The following HMCN1 variants were observed in gnomAD, a reference collection of about 807,000 sequenced individuals.
The protein encoded by HMCN1 is hemicentin 1.
In HMCN1, 321 loss-of-function variants were observed where a neutral mutation model predicts 625.9. The observed-to-expected ratio is 0.51, with a 90% CI of 0.47 to 0.56. The LOEUF (loss-of-function observed/expected upper bound fraction) is 0.56. Ranked by LOEUF, HMCN1 falls within the 20% of genes least tolerant of loss-of-function variation. The probability of loss-of-function intolerance (pLI) is 0.00; values close to 1 mark genes in which losing one functional copy is unlikely to be tolerated. For synonymous variants in HMCN1, 2,425 were observed against 2,417.6 expected, an observed-to-expected ratio of 1.00 and a Z score of -0.09; for missense variants, 6,588 against 6,887.3, an observed-to-expected ratio of 0.96 and a Z score of 1.54.
chr1:186,111,583 TTAGAG>T (rs938761491), intron 71 of HMCN1, among the ~76,000 whole-genome samples: 27 of 152,058 alleles, frequency 1.8e-4, no homozygotes, highest in Non-Finnish European at 3.4e-4. Context: ...GATTTTGAGA[TTAGAG>T]TAAACTACGA....
chr1:185,792,357 G>A (rs550047735), intron 1 of HMCN1, among the ~76,000 whole-genome samples: 8 of 152,284 alleles, frequency 5.3e-5, no homozygotes, highest in African/African-American at 1.9e-4. Context: ...AAAGAAAACT[G>A]TTCAAAGCAT....
chr1:186,034,598 A>T (rs893581514), intron 36 of HMCN1, among the ~76,000 whole-genome samples: 1 of 151,974 alleles, frequency 6.6e-6, no homozygotes, highest in South Asian at 2.1e-4. Flanking sequence ...CTCGAAACCT[A>T]TTGTTCTTCC....
At chr1:186,056,697 G>A (rs72718900) in intron 45 of HMCN1, among the ~76,000 whole-genome samples, 2,061 of 151,892 alleles carry the variant, frequency 0.014, 18 homozygotes, top group Middle Eastern at 0.037. Flanking sequence ...TAAACATTGG[G>A]TACTCAAAGA....
chr1:186,017,339 A>T (rs1654429809), intron 33 of HMCN1, among the ~76,000 whole-genome samples: 1 of 152,084 alleles, frequency 6.6e-6, no homozygotes, highest in Non-Finnish European at 1.5e-5. Flanking sequence ...TAGAAATTAC[A>T]TATTTAATTC....
chr1:186,003,789 G>C lies in HMCN1; in HGVS notation c.4420G>C (p.Glu1474Gln), dbSNP rs1558134364. The C allele has an allele frequency of 1.2e-6, 2 of 1,613,268 alleles. No individual in the cohort carries two copies. The highest frequency in any genetic ancestry group is 1.3e-5 in the African/African-American group (1 of 74,966). The change falls in exon 29 of 107, where the codon GAA (glutamate) becomes CAA (glutamine). Residue 1474 changes from glutamate (E) to glutamine (Q), a missense_variant. Glu to Gln is a conservative substitution (Grantham distance 29, BLOSUM62 2). Coordinates refer to ENST00000271588, the MANE Select transcript of HMCN1 (RefSeq NM_031935.3). ...SVVLNRDVALECQVKGTPFPD... is the reference protein window; with the variant it reads ...SVVLNRDVALQCQVKGTPFPD... ...TGTCCTCAACCGTGACGTCGCCCTT[G>C]AATGCCAGGTCAAAGGCACTCCCTT...
At position 186,144,513 on chromosome 1, in the gene HMCN1, AC is replaced by A; in HGVS notation, c.14096-18del. On this transcript the variant is annotated intron_variant, in intron 90 of 106. Coordinates refer to ENST00000271588, the MANE Select transcript of HMCN1 (RefSeq NM_031935.3). ...GTTCCTAGGTAGTAAGAAAGCATGT[AC>A]CTTTTTCCCTTATTCCAGTTCATGG... 1.2e-6 allele frequency: 2 copies of A among 1,614,080 alleles called. No individual in the cohort carries two copies. Among genetic ancestry groups the A allele is most frequent in the Non-Finnish European group, 1.7e-6 (2 of 1,179,984 alleles).
intron 1 of HMCN1, among the ~76,000 whole-genome samples, chr1:185,757,119 C>T (rs1042099079): frequency 4.6e-5 from 7 of 152,198 alleles, no homozygotes; most frequent in African/African-American, 1.4e-4. Flanking sequence ...GGATTACAGG[C>T]GCCTGCCACC....
intron 85 of HMCN1, among the ~76,000 whole-genome samples, chr1:186,130,957 C>T (rs1661903980): frequency 6.6e-6 from 1 of 152,142 alleles, no homozygotes; most frequent in African/African-American, 2.4e-5. Flanking sequence ...TTCCTCAGAT[C>T]TGTTTTAGGA....
chr1:186,070,492 G>T, intron 51 of HMCN1, 120 bp from the exon 52 acceptor site: 1 of 841,126 alleles, frequency 1.2e-6, no homozygotes, highest in South Asian at 1.5e-5. Context: ...TGAAAGGTCA[G>T]CATAGAATGC....
chr1:185,942,919 CT>C (rs902027199), intron 11 of HMCN1, among the ~76,000 whole-genome samples: 170 of 146,532 alleles, frequency 1.2e-3, no homozygotes, highest in African/African-American at 3.4e-3. Context: ...ATTTTATTTA[CT>C]TTTTTTTTTT....
chr1:185,866,892 A>C (rs952080918), intron 4 of HMCN1, among the ~76,000 whole-genome samples: 1 of 151,590 alleles, frequency 6.6e-6, no homozygotes, highest in Non-Finnish European at 1.5e-5. Context: ...TCTGGGGTAC[A>C]TGTGCAGGAT....
rs1041628064 is a variant in HMCN1 at position 185,990,345 on chromosome 1, A to T, written c.3279A>T (p.Ala1093=). Reference sequence around the variant, plus strand: ...AGCCTGTTGAGATCTCCGTCCTTGCAGGGGAAGAGGTAACACTTCCATGTG... The same window carrying T: ...AGCCTGTTGAGATCTCCGTCCTTGCTGGGGAAGAGGTAACACTTCCATGTG... ...QDKPVEISVL[A]GEEVTLPCEV... Residue 1093 remains alanine (A), a synonymous_variant, in exon 22 of 107, where the codon GCA becomes GCT. Transcript: ENST00000271588. The T allele has an allele frequency of 6.2e-7, 1 of 1,613,418 alleles. No homozygotes were observed. Among genetic ancestry groups the T allele is most frequent in the Admixed American group, 1.7e-5 (1 of 60,004 alleles).
chr1:185,843,853 A>G (rs1227879993), intron 1 of HMCN1, among the ~76,000 whole-genome samples: 1 of 152,138 alleles, frequency 6.6e-6, no homozygotes, highest in African/African-American at 2.4e-5. Context: ...TGTATATTTG[A>G]GAGTGTCTGG....
chr1:185,743,916 A>AACACTTAT (rs1654169246), intron 1 of HMCN1, among the ~76,000 whole-genome samples: 1 of 152,130 alleles, frequency 6.6e-6, no homozygotes, highest in Admixed American at 6.5e-5. Context: ...AAAATAGTAC[A>AACACTTAT]ACACTTATAC....
chr1:185,887,390 C>G (rs539491124), intron 4 of HMCN1, among the ~76,000 whole-genome samples: 111 of 151,454 alleles, frequency 7.3e-4, no homozygotes, highest in Non-Finnish European at 3.5e-4. Flanking sequence ...ATGTGCCATG[C>G]TGGTGTGCTG....
At position 186,096,813 on chromosome 1, in the gene HMCN1, C is replaced by T. The variant is rs181039263; in HGVS notation, c.10573+1292C>T. ...AATCATATGATCATTTCAATAGATG[C>T]GAAAAAAGCATTTGATGAAATTCAA... On this transcript the variant is annotated intron_variant, in intron 68 of 106. Transcript: ENST00000271588. Among the ~76,000 whole-genome samples the T allele has an allele frequency of 1.2e-4, 18 of 152,014 alleles. No homozygotes were observed. In the South Asian group the frequency reaches 1.5e-3, roughly 12 times the overall value.
chr1:185,984,494 C>T (rs1651880740), intron 19 of HMCN1, among the ~76,000 whole-genome samples, 181 bp downstream of exon 19: 1 of 152,088 alleles, frequency 6.6e-6, no homozygotes, highest in Admixed American at 6.6e-5. Context: ...TTTTTATGTA[C>T]ACAAAAAGAC....
chr1:185,952,434 T>C (rs903369674), intron 11 of HMCN1, among the ~76,000 whole-genome samples: 3 of 151,498 alleles, frequency 2.0e-5, no homozygotes, highest in Admixed American at 2.0e-4. Context: ...GGGTTGGTAC[T>C]GAGGGGACAG....
chr1:185,984,197 G>A lies in HMCN1; in HGVS notation c.2819G>A (p.Arg940His), dbSNP rs112809015. Reference protein sequence around the residue: ...MLLQNPYITVRSDGSLHIERV... With the variant: ...MLLQNPYITVHSDGSLHIERV... ...CTCCAAAATCCTTACATCACTGTGC[G>A]CAGTGATGGGAGCCTCCATATTGAA... Residue 940 changes from arginine (R) to histidine (H), a missense_variant, in exon 19 of 107, where the codon CGC becomes CAC. Coordinates refer to ENST00000271588, the MANE Select transcript of HMCN1 (RefSeq NM_031935.3). The A allele has an allele frequency of 4.8e-5, 78 of 1,610,792 alleles. No individual in the cohort carries two copies. The highest frequency in any genetic ancestry group is 2.3e-4 in the African/African-American group (17 of 74,684).
Sources: allele counts gnomAD v4.1 joint callset (sites outside exome capture counted in the v4.1 genomes callset), GRCh38; gene constraint gnomAD v4.1.1; transcripts MANE v1.5; gene names NCBI Gene and HGNC (gene_info 2026-07-23, HGNC 2026-07-21).